ZNF732: variants seen among roughly 807,000 people sequenced by gnomAD.
ZNF732 encodes zinc finger protein 732.
In ZNF732, 12 loss-of-function variants were observed where a neutral mutation model predicts 11.5. The ratio of observed to expected loss-of-function variants is 1.05; its 90% confidence interval spans 0.67 to 1.70. ZNF732 has a LOEUF of 1.70. Among genes scored for constraint, ZNF732 ranks in the 40% most tolerant of loss-of-function variants. ZNF732 has a pLI of 0.00. For missense variants in ZNF732, 702 were observed against 676.9 expected (o/e 1.04, Z -0.41); for synonymous variants, 231 against 236.5 (o/e 0.98, Z 0.21).
At chr4:292,174 C>G (rs1428408597) in intron 3 of ZNF732, among the ~76,000 whole-genome samples, 1 of 152,056 alleles carries the variant, frequency 6.6e-6, no homozygotes, top group Non-Finnish European at 1.5e-5. Flanking sequence ...GATATGCCAT[C>G]AAAAGCACAG....
At chr4:283,584 T>C (rs1719660038) in intron 3 of ZNF732, among the ~76,000 whole-genome samples, 1 of 150,750 alleles carries the variant, frequency 6.6e-6, no homozygotes, top group Non-Finnish European at 1.5e-5. Flanking sequence ...TAAAAATATA[T>C]ATATACCCAA....
At chr4:283,964 G>A (rs1581537802) in intron 3 of ZNF732, among the ~76,000 whole-genome samples, 1 of 151,956 alleles carries the variant, frequency 6.6e-6, no homozygotes, top group Non-Finnish European at 1.5e-5. Flanking sequence ...AGGCTGTAGT[G>A]CAGTGGTGCG....
chr4:281,596 C>A (rs1212767043), intron 3 of ZNF732, among the ~76,000 whole-genome samples: 2 of 152,176 alleles, frequency 1.3e-5, no homozygotes, highest in Non-Finnish European at 2.9e-5. Flanking sequence ...GTCTGCCAAG[C>A]AGGAATTTCA....
At chr4:291,179 A>T (rs1719837246) in intron 3 of ZNF732, among the ~76,000 whole-genome samples, 1 of 152,188 alleles carries the variant, frequency 6.6e-6, no homozygotes, top group Admixed American at 6.5e-5. Context: ...AATAACAAAA[A>T]CTGAACTAAT....
chr4:277,022 A>C (rs1308091669), intron 3 of ZNF732, among the ~76,000 whole-genome samples: 1 of 152,054 alleles, frequency 6.6e-6, no homozygotes, highest in Non-Finnish European at 1.5e-5. Context: ...ATTTTCAACA[A>C]AAATGTCAAG....
At chr4:282,860 T>C (rs1553840063) in intron 3 of ZNF732, among the ~76,000 whole-genome samples, 2 of 151,402 alleles carry the variant, frequency 1.3e-5, no homozygotes, top group Non-Finnish European at 2.9e-5. Context: ...CTCAACACCA[T>C]ACAAGGGAAG....
chr4:303,289 A>C (rs782695443), intron 1 of ZNF732, among the ~76,000 whole-genome samples: 10 of 152,156 alleles, frequency 6.6e-5, no homozygotes, highest in Middle Eastern at 3.2e-3. Flanking sequence ...CTTCGGGCCG[A>C]GAGAACTTTG....
intron 3 of ZNF732, among the ~76,000 whole-genome samples, chr4:294,385 A>T (rs549775909): frequency 3.3e-5 from 5 of 152,372 alleles, no homozygotes; most frequent in African/African-American, 1.2e-4. Flanking sequence ...ATACACATAT[A>T]TAACTTATTT....
chr4:284,530 A>G (rs1483899009), intron 3 of ZNF732, among the ~76,000 whole-genome samples: 3 of 152,152 alleles, frequency 2.0e-5, no homozygotes, highest in Non-Finnish European at 4.4e-5. Context: ...CAATGTTAGG[A>G]TAATAAAGAA....
chr4:287,505 G>A (rs896458508), intron 3 of ZNF732, among the ~76,000 whole-genome samples: 5 of 151,990 alleles, frequency 3.3e-5, no homozygotes, highest in South Asian at 2.1e-4. Flanking sequence ...GTGAGTCATC[G>A]CACGTGGCCA....
chr4:289,578 G>T (rs782188505), intron 3 of ZNF732, among the ~76,000 whole-genome samples: 1 of 152,144 alleles, frequency 6.6e-6, no homozygotes, highest in Non-Finnish European at 1.5e-5. Context: ...CAAGCTTATT[G>T]TTAGCATAGT....
At chr4:299,438 TATA>T (rs1720046745) in intron 1 of ZNF732, among the ~76,000 whole-genome samples, 1 of 3,562 alleles carries the variant, frequency 2.8e-4, no homozygotes, top group African/African-American at 8.0e-4. Flanking sequence ...CATATGTGTA[TATA>T]TATATATATA....
At chr4:302,923 C>T (rs1476293699) in intron 1 of ZNF732, among the ~76,000 whole-genome samples, 2 of 152,100 alleles carry the variant, frequency 1.3e-5, no homozygotes, top group African/African-American at 4.8e-5. Context: ...CCTGAGTTGA[C>T]TCTCCCTTAG....
intron 1 of ZNF732, among the ~76,000 whole-genome samples, chr4:297,988 T>C (rs1013028272): frequency 1.3e-5 from 2 of 152,196 alleles, no homozygotes; most frequent in Admixed American, 1.3e-4. Flanking sequence ...GAAATTTGAT[T>C]CCCAGATTTT....
At chr4:297,481 T>C (rs1719977363) in intron 1 of ZNF732, among the ~76,000 whole-genome samples, 2 of 151,998 alleles carry the variant, frequency 1.3e-5, no homozygotes, top group African/African-American at 4.8e-5. Flanking sequence ...CCTTTCTATT[T>C]TCCTACAATT....
chr4:290,087 A>C (rs781825845), intron 3 of ZNF732, among the ~76,000 whole-genome samples: 2 of 152,256 alleles, frequency 1.3e-5, no homozygotes, highest in African/African-American at 2.4e-5. Context: ...GTGAAATAAA[A>C]CACTAACGAA....
chr4:299,308 C>A (rs1241809918), intron 1 of ZNF732, among the ~76,000 whole-genome samples: 1 of 147,006 alleles, frequency 6.8e-6, no homozygotes, highest in African/African-American at 2.5e-5. Context: ...TATAAAGGTG[C>A]CCTGAATATA....
At chr4:299,534 CATAT>C (rs1158630816) in intron 1 of ZNF732, among the ~76,000 whole-genome samples, 2 of 117,310 alleles carry the variant, frequency 1.7e-5, no homozygotes, top group Non-Finnish European at 3.5e-5. Context: ...TGTATATATA[CATAT>C]ATACACATAT....
chr4:271,088 T>G lies in ZNF732; in HGVS notation c.*11A>C. ...GGATCATCCAAAGGCTTTGCCACAT[T>G]CTTCATATTTCTAGAGTTTCTCTCC... is the stretch of plus-strand genomic sequence containing the variant. On this transcript the variant is annotated 3_prime_UTR_variant, in exon 4 of 4. Transcript: ENST00000419098. The G allele has an allele frequency of 6.7e-7, 1 of 1,495,342 alleles. No individual in the cohort carries two copies. The highest frequency in any genetic ancestry group is 8.9e-7 in the Non-Finnish European group (1 of 1,123,892). The allele number at this position is 1,495,342 out of a possible 1,614,324, so 92.6% of individuals were successfully genotyped here.
Sources: allele counts gnomAD v4.1 joint callset (sites outside exome capture counted in the v4.1 genomes callset), GRCh38; gene constraint gnomAD v4.1.1; transcripts MANE v1.5; gene names NCBI Gene and HGNC (gene_info 2026-07-23, HGNC 2026-07-21).